Variants in ZFP82 observed in about 807,000 individuals in gnomAD.
ZFP82 encodes zinc finger protein 82 homolog.
ZFP82 carries 30 observed loss-of-function variants against 54.0 expected under a neutral mutation model. That is an observed-to-expected ratio of 0.56 (90% CI 0.42 to 0.75). ZFP82 has a LOEUF of 0.75. Among genes scored for constraint, ZFP82 ranks in the 30% least tolerant of loss-of-function variants. The pLI, the probability that ZFP82 is intolerant of heterozygous loss-of-function variation, is 0.00. For missense variants in ZFP82, 500 were observed against 636.8 expected (o/e 0.79, Z 2.31); for synonymous variants, 194 against 209.5 (o/e 0.93, Z 0.64).
chr19:36,404,858 T>C (rs1444931939), intron 4 of ZFP82, among the ~76,000 whole-genome samples: 1 of 152,176 alleles, frequency 6.6e-6, no homozygotes, highest in African/African-American at 2.4e-5. Context: ...TCCAAATGTA[T>C]GAACTTTGTC....
chr19:36,409,233 GA>G (rs1423103444), intron 2 of ZFP82, among the ~76,000 whole-genome samples: 1 of 152,036 alleles, frequency 6.6e-6, no homozygotes, highest in Non-Finnish European at 1.5e-5. Flanking sequence ...TACTGAGGCT[GA>G]GGCCAACTAA....
intron 1 of ZFP82, among the ~76,000 whole-genome samples, chr19:36,417,473 A>C (rs1014143717): frequency 6.6e-6 from 1 of 152,220 alleles, no homozygotes; most frequent in Non-Finnish European, 1.5e-5. Flanking sequence ...TGCATTTCAC[A>C]GAAGAAAGCA....
intron 4 of ZFP82, chr19:36,395,629 GA>G (rs2032280389): frequency 6.6e-6 from 1 of 152,062 alleles, no homozygotes; most frequent in African/African-American, 2.4e-5. Context: ...TCTACAAGCT[GA>G]ATGAGTTGTG....
downstream of ZFP82, among the ~76,000 whole-genome samples, chr19:36,386,632 G>A (rs189516808): frequency 9.2e-5 from 14 of 152,314 alleles, no homozygotes; most frequent in South Asian, 2.1e-3. Context: ...GGGTCTTCTG[G>A]AGCCTTAAGA....
chr19:36,416,905 T>C (rs1404628663), intron 1 of ZFP82, among the ~76,000 whole-genome samples: 1 of 151,506 alleles, frequency 6.6e-6, no homozygotes, highest in Non-Finnish European at 1.5e-5. Context: ...AAACCCGGTC[T>C]GTACTAAAAA....
chr19:36,416,740 G>C (rs1426959311), intron 1 of ZFP82, among the ~76,000 whole-genome samples: 7 of 127,778 alleles, frequency 5.5e-5, no homozygotes, highest in Non-Finnish European at 9.8e-5. Context: ...TGGGAAATAA[G>C]AGCGAAACTC....
In ZFP82 at chr19:36,409,728, A is replaced by T. The variant is rs2032544566; in HGVS notation, c.9+53T>A. The T allele has an allele frequency of 4.4e-6, 7 of 1,598,224 alleles. No homozygotes were observed. In the South Asian group the frequency reaches 4.4e-5, roughly 10 times the overall value. ...AGTAAGGAAGTTTCAGAATAAAAAA[A>T]TGGTCACAGAACCTTAACATGATAG... On this transcript the variant is annotated intron_variant, in intron 2 of 4. Transcript: ENST00000392161.
intron 4 of ZFP82, among the ~76,000 whole-genome samples, chr19:36,396,995 T>G (rs1385558420): frequency 6.7e-6 from 1 of 148,394 alleles, no homozygotes; most frequent in East Asian, 2.0e-4. Context: ...AAAAAGAAAA[T>G]AAAATTAAGC....
rs753390696 is a variant in ZFP82, at chr19:36,392,706, G to C, written c.*35C>G. 6.6e-7 allele frequency: 1 copy of C among 1,504,940 alleles called. No homozygotes were observed. The highest frequency in any genetic ancestry group is 8.8e-7 in the Non-Finnish European group (1 of 1,131,988). The allele number at this position is 1,504,940 out of a possible 1,614,324, so 93.2% of individuals were successfully genotyped here. ...AAATAGATTAATTACTACATTCATA[G>C]AATGTTCTATAACACAGAAGTTGAA... On this transcript the variant is annotated 3_prime_UTR_variant, in exon 5 of 5. Coordinates refer to ENST00000392161, the MANE Select transcript of ZFP82 (RefSeq NM_133466.4).
intron 1 of ZFP82, among the ~76,000 whole-genome samples, chr19:36,413,541 T>C (rs2032614641): frequency 6.6e-6 from 1 of 152,194 alleles, no homozygotes; most frequent in African/African-American, 2.4e-5. Flanking sequence ...CCCACATTAA[T>C]TAAAGAAGGA....
chr19:36,402,625 T>C (rs2032407903), intron 4 of ZFP82, among the ~76,000 whole-genome samples: 1 of 152,142 alleles, frequency 6.6e-6, no homozygotes, highest in Admixed American at 6.6e-5. Flanking sequence ...CTAAAATAAG[T>C]GTCCTTAGCC....
intron 1 of ZFP82, among the ~76,000 whole-genome samples, chr19:36,417,775 T>G (rs73043902): frequency 6.6e-6 from 1 of 152,086 alleles, no homozygotes; most frequent in African/African-American, 2.4e-5. Context: ...GAAGCAATGC[T>G]GTGGTTCTGA....
intron 4 of ZFP82, among the ~76,000 whole-genome samples, chr19:36,397,093 T>TA (rs532825628): frequency 5.0e-4 from 9 of 18,180 alleles, no homozygotes; most frequent in African/African-American, 2.2e-3. Context: ...ATAAACCAAT[T>TA]TTTTTTTTTT....
chr19:36,403,337 AAAAAG>A lies in ZFP82; in HGVS notation c.229+2238_229+2242del, dbSNP rs1309145446. 1.2e-3 allele frequency among the ~76,000 whole-genome samples: 165 copies of A among 135,274 alleles called. 1 individual carries two copies. The highest frequency in any genetic ancestry group is 4.6e-3 in the African/African-American group (162 of 35,292). 88.7% of individuals were successfully genotyped at this position (135,274 alleles called of 152,430 possible). A position where few individuals can be genotyped will look rare whatever the true frequency, so the allele number is the denominator to read the frequency against. On this transcript the variant is annotated intron_variant, in intron 4 of 4. Transcript: ENST00000392161. ...GACTCCATCTCAAAAAAAAAAAAAA[AAAAAG>A]GCCAGGCGCGGTGGCTCACACCTGT...
At position 36,392,682 on chromosome 19, in the gene ZFP82, A is replaced by G; in HGVS notation, c.*59T>C. ...CAACGCAGTTGCATGTATGGAGCAA[A>G]ATAGATTAATTACTACATTCATAGA... On this transcript the variant is annotated 3_prime_UTR_variant, in exon 5 of 5. Transcript: ENST00000392161. 1 of 1,447,684 alleles carries G rather than the reference A, an allele frequency of 6.9e-7. No homozygotes were observed. The highest frequency in any genetic ancestry group is 9.1e-7 in the Non-Finnish European group (1 of 1,094,542). 89.7% of individuals were successfully genotyped at this position (1,447,684 alleles called of 1,614,324 possible).
intron 4 of ZFP82, among the ~76,000 whole-genome samples, chr19:36,399,829 CAT>C (rs2032353516): frequency 1.3e-5 from 2 of 152,014 alleles, no homozygotes; most frequent in African/African-American, 4.8e-5. Context: ...TGAAAGAAAA[CAT>C]AACAATCAAG....
chr19:36,405,729 C>G, intron 3 of ZFP82, 57 bp from the exon 4 acceptor site: 2 of 1,298,766 alleles, frequency 1.5e-6, no homozygotes, highest in East Asian at 4.8e-5. Context: ...ATCAAAATTA[C>G]TTTGATTCAG....
chr19:36,406,043 T>C (rs536113513), intron 3 of ZFP82, among the ~76,000 whole-genome samples: 8 of 152,324 alleles, frequency 5.3e-5, no homozygotes, highest in Non-Finnish European at 7.3e-5. Flanking sequence ...ACTTATCTTA[T>C]ATGATTATTG....
At position 36,393,988 on chromosome 19, in the gene ZFP82, T is replaced by G; in HGVS notation, c.352A>C (p.Lys118Gln). The change falls in exon 5 of 5, where the codon AAA becomes CAA. Residue 118 changes from lysine (K) to glutamine (Q), a missense_variant. Transcript: ENST00000392161. ...ENHGLKGLIL[K>Q]NDWESTGKIE... is the part of the protein sequence containing the mutation. ...TTTCCTGTGGATTCCCAATCATTTTTTAAAATGAGACCCTTAAGGCCATGG... is the reference window on the plus strand; with the variant it reads ...TTTCCTGTGGATTCCCAATCATTTTGTAAAATGAGACCCTTAAGGCCATGG... The G allele has an allele frequency of 6.2e-7, 1 of 1,613,558 alleles. No homozygotes were observed. Among genetic ancestry groups the G allele is most frequent in the Non-Finnish European group, 8.5e-7 (1 of 1,179,798 alleles).
Sources: gnomAD v4.1 joint callset for allele counts (sites outside exome capture counted in the v4.1 genomes callset) on GRCh38, gnomAD v4.1.1 for gene constraint, MANE v1.5 for transcripts, NCBI Gene and HGNC (gene_info 2026-07-23, HGNC 2026-07-21) for gene names.